MMP1: variants seen among roughly 807,000 people sequenced by gnomAD.
MMP1 encodes the protein interstitial collagenase.
A neutral mutation model predicts 49.6 loss-of-function variants in MMP1; 51 were observed. That is an observed-to-expected ratio of 1.03 (90% confidence interval 0.82 to 1.30). The LOEUF (loss-of-function observed/expected upper bound fraction) is 1.30, where lower values mean the gene tolerates loss of function less well. Among genes scored for constraint, MMP1 ranks in the 50% most tolerant of loss-of-function variants. The pLI is 0.00. For missense variants in MMP1, 623 were observed against 568.7 expected (o/e 1.10, Z -0.97); for synonymous variants, 230 against 196.8 (o/e 1.17, Z -1.41).
intron 6 of MMP1, among the ~76,000 whole-genome samples, chr11:102,793,761 T>C (rs1239395781): frequency 6.6e-6 from 1 of 152,206 alleles, no homozygotes. Flanking sequence ...TGGTTAGTAG[T>C]ATTTACACAA....
Position 102,795,305 on chromosome 11 carries a change from A to G in MMP1, c.782-14T>C. ...TTTGGGAACGTCCTAAGGAAAATAA[A>G]ATACCTAGAGTTAGTTTTGCCTAGT... On this transcript the variant is annotated splice_polypyrimidine_tract_variant and intron_variant, in intron 5 of 9. Coordinates refer to ENST00000315274, the MANE Select transcript of MMP1 (RefSeq NM_002421.4). 6.2e-7 allele frequency: 1 copy of G among 1,613,078 alleles called. No individual in the cohort carries two copies. The highest frequency in any genetic ancestry group is 8.5e-7 in the Non-Finnish European group (1 of 1,179,222).
Position 102,792,605 on chromosome 11 carries a change from CT to C in MMP1, c.1032del (p.Asn346IlefsTer29). 6.2e-7 allele frequency: 1 copy of C among 1,613,014 alleles called. No individual in the cohort carries two copies. Among genetic ancestry groups the C allele is most frequent in the Non-Finnish European group, 8.5e-7 (1 of 1,179,414 alleles). ...FADRDEVRFFKGNKYWAVQGQ... is the reference protein window; with the variant it reads ...FADRDEVRFFXGNKYWAVQGQ... ...AGTGAAAAATAATTAGAAAGATTACCTTTGAAAAACCGGACTTCATCTCTGT... is the reference window on the plus strand; with the variant it reads ...AGTGAAAAATAATTAGAAAGATTACCTTGAAAAACCGGACTTCATCTCTGT... On this transcript the variant is annotated frameshift_variant and splice_region_variant, in exon 7 of 10. Coordinates refer to ENST00000315274, the MANE Select transcript of MMP1 (RefSeq NM_002421.4). LOFTEE classifies it high-confidence loss of function.
At chr11:102,796,973 T>C in intron 3 of MMP1, 41 bp downstream of exon 3, 1 of 1,583,154 alleles carries the variant, frequency 6.3e-7, no homozygotes, top group Middle Eastern at 1.7e-4. Context: ...CTACGAGATC[T>C]AGGGGCAAGG....
chr11:102,796,744 G>T lies in MMP1; in HGVS notation c.545C>A (p.Ala182Asp). ...SPFDGPGGNL[A>D]HAFQPGPGIG... is the part of the protein sequence containing the mutation. Reference sequence around the variant, plus strand: ...ACCTGGGCCTGGTTGAAAAGCATGAGCAAGATTTCCTCCAGGTCCATCAAA... The same window carrying T: ...ACCTGGGCCTGGTTGAAAAGCATGATCAAGATTTCCTCCAGGTCCATCAAA... The change falls in exon 4 of 10, where the codon GCT becomes GAT. Residue 182 changes from alanine to aspartate, a missense_variant. Physicochemically the swap from Ala to Asp is moderately radical, Grantham distance 126. Transcript: ENST00000315274. 1 of 1,613,928 alleles carries T rather than the reference G, an allele frequency of 6.2e-7. No individual in the cohort carries two copies.
intron 7 of MMP1, among the ~76,000 whole-genome samples, chr11:102,792,227 TACTC>T (rs1322861780): frequency 1.3e-5 from 2 of 152,250 alleles, no homozygotes; most frequent in Non-Finnish European, 2.9e-5. Flanking sequence ...TCAAATGTCT[TACTC>T]ATTGTACTAC....
intron 3 of MMP1, 51 bp downstream of exon 3, chr11:102,796,963 C>T (rs1255498556): frequency 6.4e-7 from 1 of 1,570,256 alleles, no homozygotes; most frequent in Non-Finnish European, 8.6e-7. Flanking sequence ...AGTTGCAAAG[C>T]TACGAGATCT....
rs879019157 is a variant in MMP1 at position 102,796,942 on chromosome 11, C to T, written c.499+72G>A. ...CCATAAAATCAACATTCATCTTAAA[C>T]AATCAATTCCAGTTGCAAAGCTACG... On this transcript the variant is annotated intron_variant, in intron 3 of 9. Transcript: ENST00000315274. 2.9e-5 allele frequency: 45 copies of T among 1,551,604 alleles called. No homozygotes were observed. In the South Asian group the frequency reaches 4.9e-4, roughly 17 times the overall value.
chr11:102,792,439 G>T (rs992492303), intron 7 of MMP1, among the ~76,000 whole-genome samples, 166 bp downstream of exon 7: 1 of 152,134 alleles, frequency 6.6e-6, no homozygotes, highest in African/African-American at 2.4e-5. Flanking sequence ...TCCAAAATGC[G>T]CTACGCACCG....
intron 6 of MMP1, among the ~76,000 whole-genome samples, chr11:102,793,837 A>C (rs1009975346): frequency 2.6e-5 from 4 of 152,220 alleles, no homozygotes; most frequent in South Asian, 2.1e-4. Flanking sequence ...GTGGGCTGAC[A>C]CAGAAGAGCT....
At chr11:102,791,695 T>C (rs959886769) in intron 7 of MMP1, among the ~76,000 whole-genome samples, 200 bp from the exon 8 acceptor site, 1 of 152,210 alleles carries the variant, frequency 6.6e-6, no homozygotes, top group African/African-American at 2.4e-5. Flanking sequence ...GGAAGCTTCT[T>C]AGTTGATTCT....
In MMP1 at chr11:102,796,796, G is replaced by T. The variant is rs1172252083; in HGVS notation, c.500-7C>A. ...GGAGAGTTGTCCCGATGATCTGAAA[G>T]AAACAATTCAACAAAGATTCCTTGT... On this transcript the variant is annotated splice_region_variant and splice_polypyrimidine_tract_variant and intron_variant, in intron 3 of 9. Transcript: ENST00000315274. 6.2e-7 allele frequency: 1 copy of T among 1,611,112 alleles called. No homozygotes were observed. Among genetic ancestry groups the T allele is most frequent in the East Asian group, 2.2e-5 (1 of 44,868 alleles).
rs1174360504 is a variant in MMP1 at position 102,794,402 on chromosome 11, T to C, written c.899+772A>G. Among the ~76,000 whole-genome samples, 1 of 152,154 alleles carries C rather than the reference T, an allele frequency of 6.6e-6. No homozygotes were observed. The highest frequency in any genetic ancestry group is 1.5e-5 in the Non-Finnish European group (1 of 68,026). ...AATAACACACCAAAAGAGTGTGTTA[T>C]TATTTTGCCTGATCCTTTAGGAATC... is the stretch of plus-strand genomic sequence containing the variant. On this transcript the variant is annotated intron_variant, in intron 6 of 9. Transcript: ENST00000315274. This position sits in a 1 kb window ranked among gnomAD's most constrained non-coding sequence, Gnocchi z 4.3.
chr11:102,790,409 T>C lies in MMP1; in HGVS notation c.*3A>G, dbSNP rs1459451280. 1.9e-6 allele frequency: 3 copies of C among 1,547,712 alleles called. No individual in the cohort carries two copies. The highest frequency in any genetic ancestry group is 2.7e-6 in the Non-Finnish European group (3 of 1,127,638). ...ATGTGTTTTCCATTCAAATTAGTAATGTTCAATTTTTCCTGCAGTTGAACC... is the reference window on the plus strand; with the variant it reads ...ATGTGTTTTCCATTCAAATTAGTAACGTTCAATTTTTCCTGCAGTTGAACC... On this transcript the variant is annotated 3_prime_UTR_variant, in exon 10 of 10. Coordinates refer to ENST00000315274, the MANE Select transcript of MMP1 (RefSeq NM_002421.4).
rs759085492 is a variant in MMP1, at chr11:102,797,078, T to G, written c.435A>C (p.Thr145=). Residue 145 remains threonine, a synonymous_variant, in exon 3 of 10, where the codon ACA becomes ACC. Transcript: ENST00000315274. The part of the protein sequence containing the change: ...EKAFQLWSNV[T]PLTFTKVSEG... ...CAGAGACCTTGGTGAATGTCAGAGG[T>G]GTGACATTACTCCAGAGTTGGAAGG... is the stretch of plus-strand genomic sequence containing the variant. The G allele has an allele frequency of 6.2e-7, 1 of 1,614,118 alleles. No homozygotes were observed. The highest frequency in any genetic ancestry group is 1.1e-5 in the South Asian group (1 of 91,080).
chr11:102,793,004 A>C, intron 6 of MMP1: 1 of 257,776 alleles, frequency 3.9e-6, no homozygotes, highest in Non-Finnish European at 7.2e-6. Flanking sequence ...AAGAACATAA[A>C]TAAGTAGAAA....
At chr11:102,790,931 T>C (rs553951382) in intron 8 of MMP1, 125 bp from the exon 9 acceptor site, 4 of 664,756 alleles carry the variant, frequency 6.0e-6, no homozygotes, top group Non-Finnish European at 1.1e-5. Flanking sequence ...ATTTGTGAAA[T>C]GGGGAGTGGA....
chr11:102,792,672 T>C lies in MMP1; in HGVS notation c.966A>G (p.Pro322=), dbSNP rs931374471. 1 of 1,613,980 alleles carries C rather than the reference T, an allele frequency of 6.2e-7. No individual in the cohort carries two copies. The highest frequency in any genetic ancestry group is 1.1e-5 in the South Asian group (1 of 91,066). The change falls in exon 7 of 10, where the codon CCA becomes CCG. Residue 322 remains proline, a synonymous_variant. Transcript: ENST00000315274. ...VELNFISVFW[P]QLPNGLEAAY... ...CAGCTTCAAGCCCATTTGGCAGTTG[T>C]GGCCAGAAAACAGAAATGAAATTGA... is the stretch of plus-strand genomic sequence containing the variant.
At chr11:102,797,547 T>A in intron 1 of MMP1, 47 bp from the exon 2 acceptor site, 2 of 1,603,150 alleles carry the variant, frequency 1.2e-6, no homozygotes, top group East Asian at 4.5e-5. Flanking sequence ...ATCTTTCTCA[T>A]TATTCTAAAA....
chr11:102,790,245 G>T lies in MMP1; in HGVS notation c.*167C>A, dbSNP rs959550671. ...ACTAAATTATATCAGTACAAAAAGG[G>T]CTACATTCTAAATAGTAAAAAAATA... On this transcript the variant is annotated 3_prime_UTR_variant, in exon 10 of 10. Coordinates refer to ENST00000315274, the MANE Select transcript of MMP1 (RefSeq NM_002421.4). 1.2e-5 allele frequency: 6 copies of T among 484,328 alleles called. No individual in the cohort carries two copies. Among genetic ancestry groups the T allele is most frequent in the African/African-American group, 2.0e-5 (1 of 50,350 alleles). 30.0% of individuals were successfully genotyped at this position (484,328 alleles called of 1,614,324 possible).
Sources: allele counts gnomAD v4.1 joint callset (sites outside exome capture counted in the v4.1 genomes callset), GRCh38; gene constraint gnomAD v4.1.1; non-coding constraint Gnocchi (gnomAD v3.1); transcripts MANE v1.5; gene names NCBI Gene and HGNC (gene_info 2026-07-23, HGNC 2026-07-21).